Variants in SEC14L6 observed in about 807,000 individuals in gnomAD.
SEC14L6 encodes SEC14-like protein 6.
A neutral mutation model predicts 54.1 loss-of-function variants in SEC14L6; 40 were observed. That is an observed-to-expected ratio of 0.74 (90% CI 0.57 to 0.96). SEC14L6 has a LOEUF of 0.96. SEC14L6 is among the 40% of genes least tolerant of loss of function. The pLI, the probability that SEC14L6 is intolerant of heterozygous loss-of-function variation, is 0.00. For synonymous variants in SEC14L6, 171 were observed against 198.4 expected, an observed-to-expected ratio of 0.86 and a Z score of 1.16; for missense variants, 471 against 498.3, an observed-to-expected ratio of 0.95 and a Z score of 0.52.
At chr22:30,532,355 A>C in intron 5 of SEC14L6, 170 bp downstream of exon 5, 3 of 937,192 alleles carry the variant, frequency 3.2e-6, no homozygotes, top group Non-Finnish European at 3.8e-6. Flanking sequence ...GTTCAGCCAC[A>C]TACTGTGTGG....
At chr22:30,539,517 C>A (rs184430667) in intron 1 of SEC14L6, among the ~76,000 whole-genome samples, 2 of 152,194 alleles carry the variant, frequency 1.3e-5, no homozygotes, top group East Asian at 1.9e-4. Context: ...CCTTAGGAAG[C>A]CTTCAGGCCA....
At position 30,545,191 on chromosome 22, in the gene SEC14L6, C is replaced by T. The variant is rs551252455; in HGVS notation, c.54+1438G>A. Among the ~76,000 whole-genome samples, 6 of 152,232 alleles carry T rather than the reference C, an allele frequency of 3.9e-5. No individual in the cohort carries two copies. The South Asian group carries it at 8.3e-4, about 21-fold the overall frequency. ...CAAGGGACTCCTCCCAGGCTAGAGACGAAAATGCACCCTGTTCCTGCCTCC... is the reference window on the plus strand; with the variant it reads ...CAAGGGACTCCTCCCAGGCTAGAGATGAAAATGCACCCTGTTCCTGCCTCC... On this transcript the variant is annotated intron_variant, in intron 1 of 11. Coordinates refer to ENST00000402034, the MANE Select transcript of SEC14L6 (RefSeq NM_001193336.4).
intron 5 of SEC14L6, chr22:30,532,233 G>C: frequency 1.0e-6 from 1 of 985,464 alleles, no homozygotes; most frequent in Non-Finnish European, 1.2e-6. Context: ...TTCCCTCTTC[G>C]GTCCAGTGGG....
At chr22:30,539,495 C>T (rs374784951) in intron 1 of SEC14L6, among the ~76,000 whole-genome samples, 29 of 152,118 alleles carry the variant, frequency 1.9e-4, no homozygotes, top group African/African-American at 6.5e-4. Context: ...TCTTTAGTGC[C>T]CTGATCTTCA....
Position 30,524,976 on chromosome 22 carries a change from T to G in SEC14L6, c.*21A>C, listed in dbSNP as rs943386606. On this transcript the variant is annotated 3_prime_UTR_variant, in exon 12 of 12. Transcript: ENST00000402034. ...TGGATTCAGAGATCAAAGAGGAGGG[T>G]GTGGGGACCATGAGGTTCACCTAGA... The G allele has an allele frequency of 8.4e-7, 1 of 1,190,076 alleles. No individual in the cohort carries two copies. Among genetic ancestry groups the G allele is most frequent in the Non-Finnish European group, 1.2e-6 (1 of 818,080 alleles). The allele number at this position is 1,190,076 out of a possible 1,614,324, so 73.7% of individuals were successfully genotyped here.
chr22:30,536,806 C>T (rs913764727), intron 2 of SEC14L6, among the ~76,000 whole-genome samples: 19 of 152,008 alleles, frequency 1.2e-4, no homozygotes, highest in Admixed American at 2.0e-4. Context: ...AGGTGGATCA[C>T]TTGAGGTCAG....
intron 8 of SEC14L6, among the ~76,000 whole-genome samples, chr22:30,527,714 CAAAAAAAAAAAAAAA>C (rs778118906): frequency 6.6e-5 from 2 of 30,144 alleles, no homozygotes; most frequent in Non-Finnish European, 1.5e-4. Context: ...GACCTTGTCT[CAAAAAAAAAAAAAAA>C]AAAAAAAAAA....
intron 6 of SEC14L6, among the ~76,000 whole-genome samples, chr22:30,531,551 C>A (rs1353149295): frequency 6.6e-6 from 1 of 152,106 alleles, no homozygotes; most frequent in Non-Finnish European, 1.5e-5. Flanking sequence ...ATGGAGAAAC[C>A]CCATCTCTAC....
intron 1 of SEC14L6, among the ~76,000 whole-genome samples, chr22:30,539,256 A>G (rs1431550497): frequency 6.6e-6 from 1 of 152,120 alleles, no homozygotes; most frequent in Non-Finnish European, 1.5e-5. Flanking sequence ...AGGTGCCTGT[A>G]ATCCCAGCTA....
chr22:30,529,900 G>A (rs1936913902), intron 6 of SEC14L6, among the ~76,000 whole-genome samples: 1 of 152,190 alleles, frequency 6.6e-6, no homozygotes, highest in Non-Finnish European at 1.5e-5. Context: ...AATATACATA[G>A]TTGCAAGGAA....
chr22:30,524,813 G>A lies in SEC14L6; in HGVS notation c.*184C>T, dbSNP rs527453532. ...CTGTGTTGCTTTGCTGTGACCATCGGGCCACCACTAGGACACTGTCCCAGC... is the reference window on the plus strand; with the variant it reads ...CTGTGTTGCTTTGCTGTGACCATCGAGCCACCACTAGGACACTGTCCCAGC... On this transcript the variant is annotated 3_prime_UTR_variant, in exon 12 of 12. Coordinates refer to ENST00000402034, the MANE Select transcript of SEC14L6 (RefSeq NM_001193336.4). The A allele has an allele frequency of 1.8e-6, 1 of 564,556 alleles. No individual in the cohort carries two copies. The highest frequency in any genetic ancestry group is 2.1e-5 in the South Asian group (1 of 47,456). 35.0% of individuals were successfully genotyped at this position (564,556 alleles called of 1,614,324 possible).
chr22:30,540,367 C>CTT (rs753718105), intron 1 of SEC14L6, among the ~76,000 whole-genome samples: 75 of 113,974 alleles, frequency 6.6e-4, no homozygotes, highest in Middle Eastern at 4.8e-3. Context: ...CTTTTTGTTC[C>CTT]TTTTTTTTTT....
intron 6 of SEC14L6, among the ~76,000 whole-genome samples, chr22:30,531,300 C>T (rs973332463): frequency 2.0e-5 from 3 of 151,540 alleles, no homozygotes; most frequent in South Asian, 4.2e-4. Context: ...CCAGCTACTC[C>T]GAAGGCTGAG....
At chr22:30,536,196 A>C (rs992232311) in intron 2 of SEC14L6, among the ~76,000 whole-genome samples, 4 of 152,262 alleles carry the variant, frequency 2.6e-5, no homozygotes, top group African/African-American at 4.8e-5. Flanking sequence ...CACCAGGCTC[A>C]GAGGCAAGTT....
rs2085802686 is a variant in SEC14L6, at chr22:30,546,662, G to A, written c.21C>T (p.Asp7=). The A allele has an allele frequency of 6.4e-7, 1 of 1,550,528 alleles. No individual in the cohort carries two copies. Among genetic ancestry groups the A allele is most frequent in the African/African-American group, 1.4e-5 (1 of 73,164 alleles). Residue 7 remains aspartate (D), a synonymous_variant, in exon 1 of 12, where the codon GAC becomes GAT. Transcript: ENST00000402034. The part of the protein sequence containing the change: MSGQVG[D]LSPSQEKSLA... ...GCGACTTCTCCTGCGATGGGCTCAGGTCACCCACTTGTCCACTCATGCTGC... is the reference window on the plus strand; with the variant it reads ...GCGACTTCTCCTGCGATGGGCTCAGATCACCCACTTGTCCACTCATGCTGC...
rs2085803970 is a variant in SEC14L6, at chr22:30,546,732, C to T, written c.-50G>A. On this transcript the variant is annotated 5_prime_UTR_variant, in exon 1 of 12. Coordinates refer to ENST00000402034, the MANE Select transcript of SEC14L6 (RefSeq NM_001193336.4). Reference sequence around the variant, plus strand: ...CCACTCTGTGGCTCCCTCCAGGTGGCCTGCCTTTTGCCAGCTGGTAGCCAT... The same window carrying T: ...CCACTCTGTGGCTCCCTCCAGGTGGTCTGCCTTTTGCCAGCTGGTAGCCAT... 6.7e-7 allele frequency: 1 copy of T among 1,502,308 alleles called. No individual in the cohort carries two copies. Among genetic ancestry groups the T allele is most frequent in the East Asian group, 2.5e-5 (1 of 40,628 alleles). The allele number at this position is 1,502,308 out of a possible 1,614,324, so 93.1% of individuals were successfully genotyped here.
In SEC14L6 at chr22:30,543,226, G is replaced by C. The variant is rs533270627; in HGVS notation, c.54+3403C>G. The C allele has an allele frequency of 6.0e-5, 96 of 1,602,158 alleles. 1 individual carries two copies. In the South Asian group the frequency reaches 7.8e-4, roughly 13 times the overall value. On this transcript the variant is annotated intron_variant, in intron 1 of 11. Transcript: ENST00000402034. ...CACAGCCAATGTGGTGCTGACCCGC[G>C]GGGACATTCACTCTCAAGTCATCTG... is the stretch of plus-strand genomic sequence containing the variant.
intron 8 of SEC14L6, among the ~76,000 whole-genome samples, chr22:30,526,498 C>G (rs1008058457): frequency 6.6e-6 from 1 of 152,128 alleles, no homozygotes; most frequent in Admixed American, 6.5e-5. Context: ...CCAGTACCCT[C>G]GGAGAGAGAA....
chr22:30,532,043 C>T, intron 5 of SEC14L6, 45 bp from the exon 6 acceptor site: 2 of 1,537,852 alleles, frequency 1.3e-6, no homozygotes, highest in Non-Finnish European at 1.8e-6. Context: ...GGGCCACTGC[C>T]CCCACCCATC....
Sources: gnomAD v4.1 joint callset for allele counts (sites outside exome capture counted in the v4.1 genomes callset) on GRCh38, gnomAD v4.1.1 for gene constraint, MANE v1.5 for transcripts, NCBI Gene and HGNC (gene_info 2026-07-23, HGNC 2026-07-21) for gene names.